The following PAK5 variants were observed in gnomAD, a reference collection of about 807,000 sequenced individuals.
PAK5 encodes serine/threonine-protein kinase PAK 5.
In PAK5, 16 loss-of-function variants were observed where a neutral mutation model predicts 65.9. The observed-to-expected ratio is 0.24, with a 90% CI of 0.16 to 0.37. The LOEUF (loss-of-function observed/expected upper bound fraction) is 0.37. PAK5 is among the 10% of genes least tolerant of loss of function. The probability of loss-of-function intolerance (pLI) is 1.00; values close to 1 mark genes in which losing one functional copy is unlikely to be tolerated. For synonymous variants in PAK5, 371 were observed against 354.9 expected, an observed-to-expected ratio of 1.05 and a Z score of -0.51; for missense variants, 785 against 903.9, an observed-to-expected ratio of 0.87 and a Z score of 1.69.
intron 1 of PAK5, among the ~76,000 whole-genome samples, chr20:9,789,157 A>G (rs1026706679): frequency 1.3e-5 from 2 of 152,174 alleles, no homozygotes; most frequent in African/African-American, 4.8e-5. Context: ...GCCCTTGGTG[A>G]CTCAAGTACA....
rs1022134326 is a variant in PAK5, at chr20:9,790,131, T to C, written c.-162+48631A>G. Among the ~76,000 whole-genome samples, 2 of 152,176 alleles carry C rather than the reference T, an allele frequency of 1.3e-5. 1 individual carries two copies. The highest frequency in any genetic ancestry group is 6.3e-3 in the Middle Eastern group (2 of 316). On this transcript the variant is annotated intron_variant, in intron 1 of 9. Transcript: ENST00000353224. Reference sequence around the variant, plus strand: ...TGCTTTATGCAGAGGCAAAGGAAGCTGTACCCCTAAAACTTCCTCTACGGG... The same window carrying C: ...TGCTTTATGCAGAGGCAAAGGAAGCCGTACCCCTAAAACTTCCTCTACGGG...
intron 9 of PAK5, 146 bp downstream of exon 9, chr20:9,542,440 A>T: frequency 3.7e-6 from 3 of 811,106 alleles, no homozygotes; most frequent in Non-Finnish European, 6.3e-6. Flanking sequence ...AAGAACAGAG[A>T]TTCAAACCTA....
At chr20:9,771,405 A>T (rs13039173) in intron 1 of PAK5, among the ~76,000 whole-genome samples, 104,356 of 143,570 alleles carry the variant, frequency 0.73, 36,746 homozygotes, top group East Asian at 0.87. Context: ...TCTATAATTT[A>T]AAAAAATTTT....
At chr20:9,676,493 G>A (rs186595680) in intron 2 of PAK5, among the ~76,000 whole-genome samples, 32 of 152,160 alleles carry the variant, frequency 2.1e-4, no homozygotes, top group South Asian at 2.1e-4. Context: ...CCTATTCCTG[G>A]GAACTGTGTG....
At chr20:9,763,819 C>G (rs1412495919) in intron 1 of PAK5, among the ~76,000 whole-genome samples, 2 of 152,148 alleles carry the variant, frequency 1.3e-5, no homozygotes, top group Non-Finnish European at 2.9e-5. Context: ...CATTTGCTTT[C>G]TCTGTATGTG....
rs2049380703 is a variant in PAK5, at chr20:9,818,234, TG to T, written c.-162+20527del. 5.9e-5 allele frequency among the ~76,000 whole-genome samples: 9 copies of T among 152,314 alleles called. No homozygotes were observed. In the South Asian group the frequency reaches 1.9e-3, roughly 32 times the overall value. ...ATTCCTCAGGTATGTCTGATCATGC[TG>T]GACTGTCTTAAGCAAGAATCCCATT... On this transcript the variant is annotated intron_variant, in intron 1 of 9. Coordinates refer to ENST00000353224, the MANE Select transcript of PAK5 (RefSeq NM_177990.4).
chr20:9,816,624 C>A (rs954998318), intron 1 of PAK5, among the ~76,000 whole-genome samples: 3 of 152,164 alleles, frequency 2.0e-5, no homozygotes, highest in Non-Finnish European at 4.4e-5. Flanking sequence ...TCCTGGTTCT[C>A]AGGTATTCTG....
chr20:9,611,580 C>T (rs1175325677), intron 3 of PAK5, among the ~76,000 whole-genome samples: 3 of 152,212 alleles, frequency 2.0e-5, no homozygotes, highest in Non-Finnish European at 4.4e-5. Flanking sequence ...GGTCTAGTCA[C>T]CCCTTTGAGT....
chr20:9,580,796 G>T lies in PAK5; in HGVS notation c.339C>A (p.Ser113=). ...ESPPTPDQGA[S]SHGPGHAEEN... ...CTTCCGCGTGGCCTGGACCGTGGCT[G>T]GAGGCTCCCTGATCTGGGGTGGGTG... The change falls in exon 4 of 10, where the codon TCC becomes TCA. Residue 113 remains serine (S), a synonymous_variant. Coordinates refer to ENST00000353224, the MANE Select transcript of PAK5 (RefSeq NM_177990.4). 1 of 1,614,042 alleles carries T rather than the reference G, an allele frequency of 6.2e-7. No homozygotes were observed. The highest frequency in any genetic ancestry group is 8.5e-7 in the Non-Finnish European group (1 of 1,180,010).
chr20:9,566,280 G>C lies in PAK5; in HGVS notation c.1095C>G (p.Gly365=). 6.2e-7 allele frequency: 1 copy of C among 1,613,758 alleles called. No individual in the cohort carries two copies. Among genetic ancestry groups the C allele is most frequent in the Non-Finnish European group, 8.5e-7 (1 of 1,179,994 alleles). Residue 365 remains glycine (G), a synonymous_variant, in exon 5 of 10, where the codon GGC becomes GGG. Coordinates refer to ENST00000353224, the MANE Select transcript of PAK5 (RefSeq NM_177990.4). ...AKLPQSQSKS[G]YSSSSHQYPS... is the part of the protein sequence containing the mutation. The stretch of plus-strand genomic sequence containing the variant: ...GGTACTGGTGACTGCTTGAGGAATA[G>C]CCCGATTTGCTTTGACTTTGAGGTA...
chr20:9,558,035 T>TTCATTC (rs1568961842), intron 6 of PAK5, among the ~76,000 whole-genome samples: 4 of 125,484 alleles, frequency 3.2e-5, no homozygotes, highest in African/African-American at 1.4e-4. Context: ...TTTATTTATT[T>TTCATTC]ATTTATTTAT....
chr20:9,673,819 G>C (rs1049213012), intron 2 of PAK5, among the ~76,000 whole-genome samples: 77 of 152,122 alleles, frequency 5.1e-4, no homozygotes, highest in African/African-American at 1.7e-3. Flanking sequence ...CTACCGCATG[G>C]AAGCCTAATT....
intron 2 of PAK5, among the ~76,000 whole-genome samples, chr20:9,646,682 T>C (rs529604076): frequency 6.6e-6 from 1 of 152,344 alleles, no homozygotes; most frequent in South Asian, 2.1e-4. Context: ...CTTGGATATA[T>C]AATTTGCTAT....
rs531778296 is a variant in PAK5, at chr20:9,584,681, A to G, written c.205-3751T>C. ...TTAGACATCTGTTCTGCTTCCTTCTATGGATTTAAACTTCTGGCCTCCTTT... is the reference window on the plus strand; with the variant it reads ...TTAGACATCTGTTCTGCTTCCTTCTGTGGATTTAAACTTCTGGCCTCCTTT... On this transcript the variant is annotated intron_variant, in intron 3 of 9. Transcript: ENST00000353224. 2.6e-5 allele frequency among the ~76,000 whole-genome samples: 4 copies of G among 152,294 alleles called. No homozygotes were observed. The East Asian group carries it at 5.8e-4, about 22-fold the overall frequency.
At chr20:9,777,572 A>T (rs1324742573) in intron 1 of PAK5, among the ~76,000 whole-genome samples, 1 of 152,228 alleles carries the variant, frequency 6.6e-6, no homozygotes, top group Non-Finnish European at 1.5e-5. Context: ...CCCAGTCATG[A>T]GTATGTCTCT....
chr20:9,553,572 G>GTGTA (rs2045463143), intron 7 of PAK5, among the ~76,000 whole-genome samples: 1 of 151,500 alleles, frequency 6.6e-6, no homozygotes, highest in Non-Finnish European at 1.5e-5. Context: ...GTGTGTGTGT[G>GTGTA]TATATATATA....
At chr20:9,774,167 T>C (rs2048863233) in intron 1 of PAK5, among the ~76,000 whole-genome samples, 1 of 152,152 alleles carries the variant, frequency 6.6e-6, no homozygotes. Flanking sequence ...GAACACTTCA[T>C]TCAGTGTGAC....
chr20:9,762,968 A>G (rs1283986244), intron 1 of PAK5, among the ~76,000 whole-genome samples: 1 of 152,154 alleles, frequency 6.6e-6, no homozygotes, highest in Non-Finnish European at 1.5e-5. Context: ...TTGCAACAAC[A>G]TGGATGAATC....
chr20:9,602,689 C>T (rs148412899), intron 3 of PAK5, among the ~76,000 whole-genome samples: 28 of 152,256 alleles, frequency 1.8e-4, no homozygotes, highest in African/African-American at 5.5e-4. Context: ...TTCAGAGCTG[C>T]TCCAAATCAG....
Sources: allele counts gnomAD v4.1 joint callset (sites outside exome capture counted in the v4.1 genomes callset), GRCh38; gene constraint gnomAD v4.1.1; transcripts MANE v1.5; gene names NCBI Gene and HGNC (gene_info 2026-07-23, HGNC 2026-07-21).